RGPD2: variants seen among roughly 807,000 people sequenced by gnomAD.
RGPD2 encodes the protein RANBP2-like and GRIP domain-containing protein 2.
Under a neutral mutation model 36.0 loss-of-function variants are expected in RGPD2, and 2 were observed. The observed-to-expected ratio is 0.06, with a 90% CI of 0.02 to 0.17. RGPD2 has a LOEUF of 0.17. Among genes scored for constraint, RGPD2 ranks in the 10% least tolerant of loss-of-function variants. RGPD2 has a pLI of 1.00. For missense variants in RGPD2, 40 were observed against 464.3 expected (o/e 0.09, Z 8.40); for synonymous variants, 19 against 163.8 (o/e 0.12, Z 6.75).
chr2:87,799,183 AC>A (rs1685819121), intron 8 of RGPD2, among the ~76,000 whole-genome samples: 1 of 149,424 alleles, frequency 6.7e-6, no homozygotes, highest in Non-Finnish European at 1.5e-5. Context: ...CCCGGCTAAA[AC>A]GGTGAAACCC....
At chr2:87,846,295 T>C in the RGPD2 span, among the ~76,000 whole-genome samples, 4 of 152,062 alleles carry the variant, frequency 2.6e-5, no homozygotes, top group Non-Finnish European at 5.9e-5. Context: ...GAGATTTTCA[T>C]TACTCTTAAA....
At chr2:87,971,442 T>TAATATGAATATTATATATAAGTATATATA in the RGPD2 span, among the ~76,000 whole-genome samples, 1 of 134,598 alleles carries the variant, frequency 7.4e-6, no homozygotes, top group Non-Finnish European at 1.6e-5. Context: ...CATATATATA[T>TAATATGAATATTATATATAAGTATATATA]AATATGAATA....
the RGPD2 span, among the ~76,000 whole-genome samples, chr2:87,964,887 C>T: frequency 2.2e-5 from 3 of 137,882 alleles, no homozygotes; most frequent in African/African-American, 7.6e-5. Flanking sequence ...TTGATTGAGT[C>T]TAGGTGTTGC....
the RGPD2 span, among the ~76,000 whole-genome samples, chr2:87,986,224 C>T: frequency 6.7e-6 from 1 of 150,088 alleles, no homozygotes; most frequent in South Asian, 2.1e-4. Flanking sequence ...CAACTTCTGC[C>T]TCCTGAGTTC....
At chr2:87,879,133 T>C in the RGPD2 span, among the ~76,000 whole-genome samples, 1 of 152,198 alleles carries the variant, frequency 6.6e-6, no homozygotes, top group Non-Finnish European at 1.5e-5. Context: ...CATTCTATTT[T>C]CGTTCTTTTT....
the RGPD2 span, among the ~76,000 whole-genome samples, chr2:87,914,979 C>G: frequency 2.6e-5 from 4 of 152,038 alleles, no homozygotes; most frequent in Non-Finnish European, 5.9e-5. Flanking sequence ...GAAACCCTGT[C>G]TCTACTAAAA....
At chr2:87,841,468 A>G in the RGPD2 span, among the ~76,000 whole-genome samples, 1 of 152,212 alleles carries the variant, frequency 6.6e-6, no homozygotes, top group African/African-American at 2.4e-5. Flanking sequence ...TTACAATTAT[A>G]TAATTTCTTT....
chr2:87,977,490 C>A, the RGPD2 span, among the ~76,000 whole-genome samples: 3 of 151,306 alleles, frequency 2.0e-5, no homozygotes, highest in Admixed American at 6.6e-5. Flanking sequence ...ATTCATCTGG[C>A]AAACAATCTT....
the RGPD2 span, among the ~76,000 whole-genome samples, chr2:87,861,028 A>C: frequency 6.6e-6 from 1 of 152,068 alleles, no homozygotes; most frequent in Non-Finnish European, 1.5e-5. Context: ...TGTGAGTGTC[A>C]GTGTGTGGGT....
At chr2:87,844,740 T>A in the RGPD2 span, among the ~76,000 whole-genome samples, 8 of 151,604 alleles carry the variant, frequency 5.3e-5, no homozygotes, top group African/African-American at 1.9e-4. Context: ...ATGTTATTTG[T>A]ATTAATTTTT....
At chr2:87,978,203 C>T in the RGPD2 span, among the ~76,000 whole-genome samples, 1 of 151,986 alleles carries the variant, frequency 6.6e-6, no homozygotes, top group African/African-American at 2.4e-5. Flanking sequence ...GTTAAAGCCA[C>T]ATTCTAAGGG....
chr2:87,841,024 T>C, the RGPD2 span, among the ~76,000 whole-genome samples: 1 of 152,036 alleles, frequency 6.6e-6, no homozygotes, highest in African/African-American at 2.4e-5. Flanking sequence ...AACTTTCTAA[T>C]CTGTATGACA....
At chr2:87,866,649 A>AC in the RGPD2 span, among the ~76,000 whole-genome samples, 3 of 151,742 alleles carry the variant, frequency 2.0e-5, no homozygotes, top group African/African-American at 7.3e-5. Flanking sequence ...TCCCCTTCTC[A>AC]CCCCCCTTCC....
chr2:87,883,906 A>C, the RGPD2 span, among the ~76,000 whole-genome samples: 1 of 151,290 alleles, frequency 6.6e-6, no homozygotes, highest in Non-Finnish European at 1.5e-5. Context: ...GAAAATCAAT[A>C]AGAAAACATC....
the RGPD2 span, among the ~76,000 whole-genome samples, chr2:87,915,912 T>G: frequency 6.6e-6 from 1 of 150,788 alleles, no homozygotes; most frequent in African/African-American, 2.5e-5. Context: ...TAAAGAAGAA[T>G]GAAAAGGTAG....
the RGPD2 span, among the ~76,000 whole-genome samples, chr2:87,955,177 G>A: frequency 6.3e-5 from 7 of 111,088 alleles, no homozygotes; most frequent in African/African-American, 2.1e-4. Context: ...ACAATGCCCG[G>A]CTAATTTTCT....
At chr2:87,944,533 C>A in the RGPD2 span, among the ~76,000 whole-genome samples, 1 of 99,584 alleles carries the variant, frequency 1.0e-5, no homozygotes, top group Admixed American at 1.2e-4. Context: ...GTTATTAAGA[C>A]ACTGCTGTCT....
the RGPD2 span, among the ~76,000 whole-genome samples, chr2:87,842,574 T>C: frequency 6.8e-6 from 1 of 146,556 alleles, no homozygotes; most frequent in Non-Finnish European, 1.5e-5. Flanking sequence ...TACAAACAAA[T>C]GGAAGAACAT....
chr2:87,914,105 C>G, the RGPD2 span, among the ~76,000 whole-genome samples: 1 of 150,880 alleles, frequency 6.6e-6, no homozygotes, highest in Admixed American at 6.6e-5. Context: ...GCCTCTTATA[C>G]AAGGAGTCAG....
Sources: allele counts gnomAD v4.1 joint callset (sites outside exome capture counted in the v4.1 genomes callset), GRCh38; gene constraint gnomAD v4.1.1; transcripts MANE v1.5; gene names NCBI Gene and HGNC (gene_info 2026-07-23, HGNC 2026-07-21).